MEIS1: variants seen among roughly 807,000 people sequenced by gnomAD.
MEIS1 encodes Meis homeobox 1, also known as homeobox protein Meis1.
MEIS1 carries 5 observed loss-of-function variants against 50.8 expected under a neutral mutation model. The ratio of observed to expected loss-of-function variants is 0.10; its 90% CI spans 0.05 to 0.21. MEIS1 has a LOEUF of 0.21. Ranked by LOEUF, MEIS1 falls within the 10% of genes least tolerant of loss-of-function variation. The pLI is 1.00. For synonymous variants in MEIS1, 176 were observed against 179.3 expected (o/e 0.98, Z 0.15); for missense variants, 318 against 517.3 (o/e 0.61, Z 3.74).
chr2:66,532,394 G>C (rs1674414731), intron 8 of MEIS1, among the ~76,000 whole-genome samples: 1 of 92,640 alleles, frequency 1.1e-5, no homozygotes, highest in Non-Finnish European at 2.3e-5. Context: ...TACTGAACAT[G>C]TATCCTTTCA....
intron 10 of MEIS1, 59 bp from the exon 11 acceptor site, chr2:66,568,608 G>T (rs1040808069): frequency 3.9e-6 from 5 of 1,270,780 alleles, no homozygotes; most frequent in Middle Eastern, 3.7e-4. Flanking sequence ...GTCTCTCTTG[G>T]GCTATTTCTT....
At chr2:66,483,232 CT>C (rs796234118) in intron 7 of MEIS1, among the ~76,000 whole-genome samples, 5,606 of 109,416 alleles carry the variant, frequency 0.051, 249 homozygotes, top group African/African-American at 0.17. Context: ...TTTTTTTTGT[CT>C]TTTTTTTTTT....
At chr2:66,500,685 A>T (rs1247385995) in intron 7 of MEIS1, among the ~76,000 whole-genome samples, 2 of 152,112 alleles carry the variant, frequency 1.3e-5, no homozygotes, top group Admixed American at 6.5e-5. Flanking sequence ...TCAGCCTCCA[A>T]AAGTGCTGGG....
chr2:66,522,317 C>T (rs1047675158), intron 8 of MEIS1, among the ~76,000 whole-genome samples: 6 of 152,120 alleles, frequency 3.9e-5, no homozygotes, highest in Non-Finnish European at 8.8e-5. Flanking sequence ...TCTGTTACTA[C>T]GTGCCCATGT....
At chr2:66,533,769 G>A (rs550468704) in intron 8 of MEIS1, among the ~76,000 whole-genome samples, 1 of 152,234 alleles carries the variant, frequency 6.6e-6, no homozygotes, top group African/African-American at 2.4e-5. Flanking sequence ...CAAGCATGGG[G>A]CCCGTCTATG....
At chr2:66,537,470 A>G (rs1226732540) in intron 8 of MEIS1, among the ~76,000 whole-genome samples, 1 of 152,192 alleles carries the variant, frequency 6.6e-6, no homozygotes, top group Non-Finnish European at 1.5e-5. Context: ...GAAAATTAGC[A>G]CTAGAGAATG....
At chr2:66,558,677 G>A (rs557348999) in intron 9 of MEIS1, among the ~76,000 whole-genome samples, 2 of 152,206 alleles carry the variant, frequency 1.3e-5, no homozygotes, top group African/African-American at 4.8e-5. Context: ...ATAACCAGAC[G>A]GAACTAGAAA....
At chr2:66,445,925 G>C (rs915610020) in intron 6 of MEIS1, among the ~76,000 whole-genome samples, 3 of 152,104 alleles carry the variant, frequency 2.0e-5, no homozygotes, top group South Asian at 2.1e-4. Flanking sequence ...CAGTCTTCCG[G>C]GCCGCCTGGA....
intron 6 of MEIS1, among the ~76,000 whole-genome samples, chr2:66,461,471 T>C (rs1408535325): frequency 6.6e-6 from 1 of 152,242 alleles, no homozygotes; most frequent in Non-Finnish European, 1.5e-5. Context: ...ATGTGACTAC[T>C]CATTCTTAAA....
At chr2:66,557,888 C>T (rs78565441) in intron 9 of MEIS1, among the ~76,000 whole-genome samples, 1 of 152,274 alleles carries the variant, frequency 6.6e-6, no homozygotes, top group Non-Finnish European at 1.5e-5. Flanking sequence ...TGGCAGTTTT[C>T]CCACTCAGTT....
In MEIS1 at chr2:66,481,337, G is replaced by C. The variant is rs181947190; in HGVS notation, c.742+17117G>C. Reference sequence around the variant, plus strand: ...CCATTGCTATGTAGCCAGCTCCCAGGCCACTTTGTGGGAAAGCTTTCTTTG... The same window carrying C: ...CCATTGCTATGTAGCCAGCTCCCAGCCCACTTTGTGGGAAAGCTTTCTTTG... On this transcript the variant is annotated intron_variant, in intron 7 of 12. Coordinates refer to ENST00000272369, the MANE Select transcript of MEIS1 (RefSeq NM_002398.3). Among the ~76,000 whole-genome samples the C allele has an allele frequency of 2.0e-5, 3 of 152,312 alleles. No individual in the cohort carries two copies. In the East Asian group the frequency reaches 5.8e-4, roughly 29 times the overall value.
intron 7 of MEIS1, among the ~76,000 whole-genome samples, chr2:66,482,409 T>A (rs2103787268): frequency 6.6e-6 from 1 of 152,236 alleles, no homozygotes; most frequent in South Asian, 2.1e-4. Context: ...AGGACCTAAG[T>A]CAGTCAGGTT....
Position 66,464,134 on chromosome 2 carries a change from A to G in MEIS1, c.656A>G (p.Asp219Gly). Residue 219 changes from aspartate (D) to glycine (G), a missense_variant, in exon 7 of 13, where the codon GAC becomes GGC. Coordinates refer to ENST00000272369, the MANE Select transcript of MEIS1 (RefSeq NM_002398.3). ...CCCTCTTGGAACAGAGATCATGATG[A>G]CACGGCATCTACTCGTTCAGGAGGA... is the stretch of plus-strand genomic sequence containing the variant. Reference protein sequence around the residue: ...DQPSWNRDHDDTASTRSGGTP... With the variant: ...DQPSWNRDHDGTASTRSGGTP... 1 of 1,603,118 alleles carries G rather than the reference A, an allele frequency of 6.2e-7. No homozygotes were observed. Among genetic ancestry groups the G allele is most frequent in the Non-Finnish European group, 8.5e-7 (1 of 1,174,958 alleles).
At chr2:66,439,680 T>C (rs548825294) in intron 2 of MEIS1, 163 bp from the exon 3 acceptor site, 1 of 1,540,114 alleles carries the variant, frequency 6.5e-7, no homozygotes, top group East Asian at 2.4e-5. Context: ...AGGTGAGCGG[T>C]CACCTGGGTC....
intron 7 of MEIS1, among the ~76,000 whole-genome samples, chr2:66,496,645 T>C (rs1291038864): frequency 6.6e-6 from 1 of 152,212 alleles, no homozygotes; most frequent in African/African-American, 2.4e-5. Context: ...TGGGGACTAC[T>C]TGTAGGCTCT....
At chr2:66,571,120 C>A in intron 12 of MEIS1, 126 bp from the exon 13 acceptor site, 2 of 929,292 alleles carry the variant, frequency 2.2e-6, no homozygotes, top group South Asian at 1.9e-5. Context: ...CAAAAGAATG[C>A]TTTACAAAAC....
intron 8 of MEIS1, among the ~76,000 whole-genome samples, chr2:66,545,349 A>T (rs1427462229): frequency 6.6e-6 from 1 of 152,224 alleles, no homozygotes; most frequent in Non-Finnish European, 1.5e-5. Context: ...TATATGACAC[A>T]TAGTGCCAGT....
chr2:66,438,659 A>G (rs1178836380), intron 2 of MEIS1, among the ~76,000 whole-genome samples: 1 of 152,138 alleles, frequency 6.6e-6, no homozygotes, highest in Admixed American at 6.6e-5. Flanking sequence ...GCTGCGGTTT[A>G]TACTGCTTTC....
chr2:66,553,600 T>C (rs1674979870), intron 9 of MEIS1, among the ~76,000 whole-genome samples: 1 of 152,190 alleles, frequency 6.6e-6, no homozygotes, highest in Admixed American at 6.5e-5. Context: ...GCTGAGCAAA[T>C]AGCTCGCAGG....
Sources: allele counts gnomAD v4.1 joint callset (sites outside exome capture counted in the v4.1 genomes callset), GRCh38; gene constraint gnomAD v4.1.1; transcripts MANE v1.5; gene names NCBI Gene and HGNC (gene_info 2026-07-23, HGNC 2026-07-21).